OGG1: variants seen among roughly 807,000 people sequenced by gnomAD.
OGG1 encodes 8-oxoguanine DNA glycosylase.
In OGG1, 35 loss-of-function variants were observed where a neutral mutation model predicts 42.3. That is an observed-to-expected ratio of 0.83 (90% CI 0.63 to 1.10). The LOEUF is 1.10. Ranked by LOEUF, OGG1 falls within the 50% of genes least tolerant of loss-of-function variation. OGG1 has a pLI of 0.00. For synonymous variants in OGG1, 189 were observed against 179.0 expected (o/e 1.06, Z -0.44); for missense variants, 484 against 446.7 (o/e 1.08, Z -0.75).
Position 9,751,889 on chromosome 3 carries a change from C to G in OGG1, c.505C>G (p.Arg169Gly). 6.2e-7 allele frequency: 1 copy of G among 1,614,196 alleles called. No individual in the cohort carries two copies. The highest frequency in any genetic ancestry group is 8.5e-7 in the Non-Finnish European group (1 of 1,180,042). The change falls in exon 3 of 7, where the codon CGG becomes GGG. Residue 169 changes from arginine to glycine, a missense_variant. Physicochemically the swap from Arg to Gly is moderately radical, Grantham distance 125 (BLOSUM62 -2). Transcript: ENST00000344629. ...GCGGCTGTGCCAGGCTTTTGGACCT[C>G]GGCTCATCCAGCTTGATGATGTCAC... Reference protein sequence around the residue: ...VERLCQAFGPRLIQLDDVTYH... With the variant: ...VERLCQAFGPGLIQLDDVTYH...
downstream of OGG1, chr3:9,758,057 C>T: frequency 4.8e-6 from 3 of 622,418 alleles, no homozygotes; most frequent in Non-Finnish European, 5.2e-6. Flanking sequence ...GTATGTGTAT[C>T]TATATATATA....
chr3:9,790,947 T>G (rs1304381160), downstream of OGG1, among the ~76,000 whole-genome samples: 3 of 152,184 alleles, frequency 2.0e-5, no homozygotes, highest in Admixed American at 2.0e-4. Context: ...TTTCTCACTT[T>G]CCTAGTTGCC....
At chr3:9,789,525 T>A, downstream of OGG1, 5 of 1,614,120 alleles carry the variant, frequency 3.1e-6, no homozygotes, top group Non-Finnish European at 4.2e-6. Context: ...ATGCTCAGCC[T>A]CATCTTCTGG....
intron 2 of OGG1, among the ~76,000 whole-genome samples, chr3:9,773,456 G>A (rs1022336929): frequency 1.3e-5 from 2 of 152,014 alleles, no homozygotes; most frequent in Admixed American, 6.5e-5. Context: ...CAGGAGAATG[G>A]CGTGGACCCG....
intron 1 of OGG1, 90 bp from the exon 2 acceptor site, chr3:9,750,855 C>T (rs1023547583): frequency 6.9e-7 from 1 of 1,455,298 alleles, no homozygotes; most frequent in Non-Finnish European, 9.6e-7. Context: ...GTATTAGTTT[C>T]GTACATGGAG....
chr3:9,756,968 C>T, intron 6 of OGG1, 93 bp from the exon 7 acceptor site: 1 of 1,612,218 alleles, frequency 6.2e-7, no homozygotes, highest in Non-Finnish European at 8.5e-7. Context: ...CCCTGTTCCC[C>T]AAGGACTCTT....
chr3:9,760,875 C>A (rs1355466331), downstream of OGG1: 3 of 1,514,366 alleles, frequency 2.0e-6, no homozygotes, highest in African/African-American at 2.8e-5. Flanking sequence ...GGAAGGAGTT[C>A]CCCCTTTATA....
At chr3:9,759,145 C>A, downstream of OGG1, 1 of 1,471,190 alleles carries the variant, frequency 6.8e-7, no homozygotes, top group Non-Finnish European at 9.5e-7. Context: ...TGGCTATAGA[C>A]ATTATTCCGC....
intron 2 of OGG1, among the ~76,000 whole-genome samples, chr3:9,772,130 T>C (rs1575277571): frequency 6.6e-6 from 1 of 152,204 alleles, no homozygotes; most frequent in South Asian, 2.1e-4. Flanking sequence ...CTTGTACAGC[T>C]TCTATGGTGT....
chr3:9,780,499 A>T lies in OGG1; in HGVS notation c.295-1014A>T. ...GGCGTCCATGACCTCGTTGTCAGCC[A>T]TGCGCACCCGCTGCCTCAGCTCCTG... On this transcript the variant is annotated intron_variant, in intron 2 of 3. Coordinates refer to the OGG1 transcript ENST00000426518. 6.2e-7 allele frequency: 1 copy of T among 1,609,006 alleles called. No individual in the cohort carries two copies. The highest frequency in any genetic ancestry group is 2.2e-5 in the East Asian group (1 of 44,870).
At chr3:9,774,839 T>C (rs2078344789) in intron 2 of OGG1, among the ~76,000 whole-genome samples, 1 of 152,212 alleles carries the variant, frequency 6.6e-6, no homozygotes, top group Admixed American at 6.5e-5. Flanking sequence ...TTTGGCAATA[T>C]GCATCAAAGG....
chr3:9,750,159 G>T lies in OGG1; in HGVS notation c.-128G>T. On this transcript the variant is annotated 5_prime_UTR_variant, in exon 1 of 7. Transcript: ENST00000344629. ...GGAGGAATTAAGTGAAACAGGGAAG[G>T]TTGTTAAACAGCACCGTGTGGGCGA... is the stretch of plus-strand genomic sequence containing the variant. 1 of 1,218,276 alleles carries T rather than the reference G, an allele frequency of 8.2e-7. No homozygotes were observed. Among genetic ancestry groups the T allele is most frequent in the East Asian group, 2.4e-5 (1 of 42,516 alleles). The allele number at this position is 1,218,276 out of a possible 1,614,324, so 75.5% of individuals were successfully genotyped here. A position where few individuals can be genotyped will look rare whatever the true frequency, so the allele number is the denominator to read the frequency against.
chr3:9,751,831 C>T lies in OGG1; in HGVS notation c.447C>T (p.Asn149=), dbSNP rs1313556641. The T allele has an allele frequency of 6.2e-7, 1 of 1,614,224 alleles. No individual in the cohort carries two copies. The highest frequency in any genetic ancestry group is 2.2e-5 in the East Asian group (1 of 44,890). The change falls in exon 3 of 7, where the codon AAC becomes AAT. Residue 149 remains asparagine, a synonymous_variant. Coordinates refer to ENST00000344629, the MANE Select transcript of OGG1 (RefSeq NM_002542.6). The part of the protein sequence containing the change: ...ECLFSFICSS[N]NNIARITGMV... ...TTTTCTCTTTTATCTGTTCCTCCAA[C>T]AACAACATCGCCCGCATCACTGGCA...
Position 9,750,191 on chromosome 3 carries a change from A to T in OGG1, c.-96A>T. 6.8e-7 allele frequency: 1 copy of T among 1,478,376 alleles called. No individual in the cohort carries two copies. Among genetic ancestry groups the T allele is most frequent in the Non-Finnish European group, 9.1e-7 (1 of 1,099,684 alleles). The allele number at this position is 1,478,376 out of a possible 1,614,324, so 91.6% of individuals were successfully genotyped here. The stretch of plus-strand genomic sequence containing the variant: ...AACAGCACCGTGTGGGCGAGGCCTT[A>T]AGGGTCGTGGTCCTTGTCTGGGCGG... On this transcript the variant is annotated 5_prime_UTR_variant, in exon 1 of 7. Transcript: ENST00000344629.
downstream of OGG1, among the ~76,000 whole-genome samples, chr3:9,771,504 A>T (rs571710796): frequency 6.6e-6 from 1 of 152,320 alleles, no homozygotes; most frequent in African/African-American, 2.4e-5. Flanking sequence ...TAATGATATG[A>T]AGTGCCTAGA....
chr3:9,758,956 A>G (rs1223332715), downstream of OGG1: 2 of 511,624 alleles, frequency 3.9e-6, no homozygotes, highest in African/African-American at 1.9e-5. Flanking sequence ...TGCAGCAAAT[A>G]CTTGCCTAAG....
chr3:9,768,293 A>G (rs1362366436), downstream of OGG1, among the ~76,000 whole-genome samples: 1 of 152,170 alleles, frequency 6.6e-6, no homozygotes, highest in Non-Finnish European at 1.5e-5. Context: ...CACATTTTTA[A>G]ATAGCTCTTT....
At chr3:9,764,772 A>G (rs2078073148) in intron 7 of OGG1, among the ~76,000 whole-genome samples, 1 of 151,368 alleles carries the variant, frequency 6.6e-6, no homozygotes, top group African/African-American at 2.4e-5. Context: ...AGCTGGGATT[A>G]CAGGCATGTG....
intron 2 of OGG1, among the ~76,000 whole-genome samples, chr3:9,776,355 C>A (rs957439718): frequency 2.6e-5 from 4 of 151,068 alleles, no homozygotes; most frequent in Non-Finnish European, 5.9e-5. Flanking sequence ...TCCCTGCCAA[C>A]TTTGCACAGT....
Sources: gnomAD v4.1 joint callset for allele counts (sites outside exome capture counted in the v4.1 genomes callset) on GRCh38, gnomAD v4.1.1 for gene constraint, MANE v1.5 for transcripts, NCBI Gene and HGNC (gene_info 2026-07-23, HGNC 2026-07-21) for gene names.